The following GNAQ variants were observed in gnomAD, a reference collection of about 807,000 sequenced individuals.
GNAQ encodes the protein G protein subunit alpha q.
GNAQ carries 8 observed loss-of-function variants against 43.9 expected under a neutral mutation model. The ratio of observed to expected loss-of-function variants is 0.18; its 90% CI spans 0.11 to 0.33. GNAQ has a LOEUF of 0.33. Ranked by LOEUF, GNAQ falls within the 10% of genes least tolerant of loss-of-function variation. The probability of loss-of-function intolerance (pLI) is 1.00; values close to 1 mark genes in which losing one functional copy is unlikely to be tolerated. For synonymous variants in GNAQ, 155 were observed against 170.7 expected (o/e 0.91, Z 0.71); for missense variants, 158 against 450.8 (o/e 0.35, Z 5.88).
At chr9:77,954,859 A>G (rs547129352) in intron 1 of GNAQ, among the ~76,000 whole-genome samples, 1 of 152,320 alleles carries the variant, frequency 6.6e-6, no homozygotes, top group Non-Finnish European at 1.5e-5. Context: ...CACCAACACA[A>G]TAACAAAAAC....
intron 5 of GNAQ, among the ~76,000 whole-genome samples, chr9:77,771,356 G>A (rs2118371961): frequency 6.6e-6 from 1 of 152,286 alleles, no homozygotes; most frequent in Non-Finnish European, 1.5e-5. Context: ...AGTGAGGCAG[G>A]AAATCAGCTG....
intron 5 of GNAQ, among the ~76,000 whole-genome samples, chr9:77,742,494 G>C (rs2118263495): frequency 6.6e-6 from 1 of 151,726 alleles, no homozygotes; most frequent in South Asian, 2.1e-4. Flanking sequence ...AAAGTTTGCA[G>C]AATAATTTTT....
chr9:77,981,520 T>C (rs1010747301), intron 1 of GNAQ, among the ~76,000 whole-genome samples: 3 of 152,156 alleles, frequency 2.0e-5, no homozygotes, highest in Non-Finnish European at 4.4e-5. Context: ...GGGAGGTGCA[T>C]GCAGAGGCAA....
intron 5 of GNAQ, among the ~76,000 whole-genome samples, chr9:77,790,688 C>T (rs1188958628): frequency 1.3e-5 from 2 of 152,172 alleles, no homozygotes; most frequent in African/African-American, 4.8e-5. Flanking sequence ...TATAGCTCCT[C>T]TTGCTTTTTC....
intron 1 of GNAQ, among the ~76,000 whole-genome samples, chr9:77,957,720 G>A (rs1321515287): frequency 6.6e-6 from 1 of 152,132 alleles, no homozygotes; most frequent in Non-Finnish European, 1.5e-5. Context: ...CAGGATGAAG[G>A]CCACTAGCAT....
chr9:77,857,793 TC>T (rs1827783073), intron 2 of GNAQ, among the ~76,000 whole-genome samples: 1 of 151,918 alleles, frequency 6.6e-6, no homozygotes, highest in Non-Finnish European at 1.5e-5. Context: ...CTTTTTTTTT[TC>T]AAGGCCATTT....
chr9:78,014,541 G>A (rs951420973), intron 1 of GNAQ, among the ~76,000 whole-genome samples: 1 of 152,116 alleles, frequency 6.6e-6, no homozygotes, highest in African/African-American at 2.4e-5. Flanking sequence ...GGGAAGCAGA[G>A]GTTGCTGTGA....
intron 1 of GNAQ, among the ~76,000 whole-genome samples, chr9:77,948,817 T>A (rs574109965): frequency 5.9e-5 from 9 of 152,150 alleles, no homozygotes; most frequent in African/African-American, 1.9e-4. Context: ...CCTAAGGACA[T>A]GAACAGACAA....
chr9:77,951,993 C>T (rs780031895), intron 1 of GNAQ, among the ~76,000 whole-genome samples: 3 of 152,162 alleles, frequency 2.0e-5, no homozygotes, highest in South Asian at 2.1e-4. Flanking sequence ...ACCCTCATTC[C>T]GTCTAGCTTC....
At chr9:77,773,009 A>G (rs539546146) in intron 5 of GNAQ, among the ~76,000 whole-genome samples, 2 of 152,378 alleles carry the variant, frequency 1.3e-5, no homozygotes, top group East Asian at 3.9e-4. Context: ...GTCCTGGGCC[A>G]CGTGAGGCCC....
intron 3 of GNAQ, among the ~76,000 whole-genome samples, chr9:77,808,089 C>T (rs1813671389): frequency 6.6e-6 from 1 of 152,132 alleles, no homozygotes; most frequent in African/African-American, 2.4e-5. Flanking sequence ...GGCCAAACTA[C>T]TCAAAGTCCA....
At chr9:77,784,430 G>A (rs1223473124) in intron 5 of GNAQ, among the ~76,000 whole-genome samples, 1 of 152,056 alleles carries the variant, frequency 6.6e-6, no homozygotes, top group Non-Finnish European at 1.5e-5. Context: ...TTTTATGTCC[G>A]TGGTTAGGTA....
chr9:77,758,779 G>A (rs2118319995), intron 5 of GNAQ, among the ~76,000 whole-genome samples: 1 of 152,196 alleles, frequency 6.6e-6, no homozygotes, highest in African/African-American at 2.4e-5. Flanking sequence ...AAGAGCTTGA[G>A]TAATTTTCTG....
intron 3 of GNAQ, among the ~76,000 whole-genome samples, chr9:77,800,164 G>T (rs1210554301): frequency 6.6e-6 from 1 of 151,814 alleles, no homozygotes; most frequent in African/African-American, 2.4e-5. Flanking sequence ...AGTCAGTGTG[G>T]CGATTCCTCA....
intron 5 of GNAQ, among the ~76,000 whole-genome samples, chr9:77,749,193 C>T (rs1202912268): frequency 6.6e-6 from 1 of 152,184 alleles, no homozygotes; most frequent in Non-Finnish European, 1.5e-5. Flanking sequence ...CCCCTGGCTG[C>T]CATGGACCCA....
intron 1 of GNAQ, among the ~76,000 whole-genome samples, chr9:78,001,339 T>C (rs1053503212): frequency 2.0e-5 from 3 of 151,918 alleles, no homozygotes; most frequent in Admixed American, 6.6e-5. Flanking sequence ...AGGCAGAGGC[T>C]GCAGTAAGCT....
At chr9:77,971,758 T>C (rs985451753) in intron 1 of GNAQ, among the ~76,000 whole-genome samples, 11 of 152,324 alleles carry the variant, frequency 7.2e-5, no homozygotes, top group African/African-American at 2.4e-4. Flanking sequence ...CTATTCAATA[T>C]AGTATTGGAA....
chr9:77,975,655 T>A (rs918661879), intron 1 of GNAQ, among the ~76,000 whole-genome samples: 1 of 150,132 alleles, frequency 6.7e-6, no homozygotes, highest in African/African-American at 2.4e-5. Context: ...TTCTTCTGCC[T>A]CAGCTTCCCG....
At position 77,742,310 on chromosome 9, in the gene GNAQ, A is replaced by G. The variant is rs576674372; in HGVS notation, c.736-13643T>C. 2.0e-5 allele frequency among the ~76,000 whole-genome samples: 3 copies of G among 152,282 alleles called. No homozygotes were observed. In the East Asian group the frequency reaches 5.8e-4, roughly 29 times the overall value. The stretch of plus-strand genomic sequence containing the variant: ...CATTCCATATAATGCACATGTGACT[A>G]ACTAATATAGAAGGCAAAAATGGTA... On this transcript the variant is annotated intron_variant, in intron 5 of 6. Coordinates refer to ENST00000286548, the MANE Select transcript of GNAQ (RefSeq NM_002072.5).
Sources: gnomAD v4.1 joint callset for allele counts (sites outside exome capture counted in the v4.1 genomes callset) on GRCh38, gnomAD v4.1.1 for gene constraint, MANE v1.5 for transcripts, NCBI Gene and HGNC (gene_info 2026-07-23, HGNC 2026-07-21) for gene names.